SPATS1: variants seen among roughly 807,000 people sequenced by gnomAD.
The protein encoded by SPATS1 is spermatogenesis-associated serine-rich protein 1.
In SPATS1, 23 loss-of-function variants were observed where a neutral mutation model predicts 33.6. That is an observed-to-expected ratio of 0.68 (90% confidence interval 0.49 to 0.97). SPATS1 has a LOEUF of 0.97. Ranked by LOEUF, SPATS1 falls within the 50% of genes least tolerant of loss-of-function variation. The pLI, the probability that SPATS1 is intolerant of heterozygous loss-of-function variation, is 0.00. For synonymous variants in SPATS1, 131 were observed against 125.6 expected, an observed-to-expected ratio of 1.04 and a Z score of -0.29; for missense variants, 327 against 361.0, an observed-to-expected ratio of 0.91 and a Z score of 0.76.
intron 2 of SPATS1, among the ~76,000 whole-genome samples, chr6:44,347,370 T>TA (rs35992667): frequency 2.6e-5 from 4 of 151,754 alleles, no homozygotes; most frequent in African/African-American, 7.3e-5. Context: ...ACTTAAAGTA[T>TA]AAAAAAAAAG....
intron 5 of SPATS1, among the ~76,000 whole-genome samples, chr6:44,362,842 CT>C (rs35574093): frequency 1.1e-3 from 161 of 145,760 alleles, no homozygotes; most frequent in East Asian, 1.2e-3. Context: ...GCACCTTGCA[CT>C]TTTTTTTTTT....
intron 2 of SPATS1, among the ~76,000 whole-genome samples, chr6:44,351,138 A>AAAG (rs1788215221): frequency 6.7e-6 from 1 of 150,238 alleles, no homozygotes; most frequent in East Asian, 1.9e-4. Context: ...AAAAAAAAAA[A>AAAG]AAAAAAGAAA....
intron 2 of SPATS1, among the ~76,000 whole-genome samples, chr6:44,346,036 C>G (rs1787860031): frequency 6.6e-6 from 1 of 151,976 alleles, no homozygotes; most frequent in African/African-American, 2.4e-5. Flanking sequence ...GCCTGTAATC[C>G]CAGCACTTTT....
chr6:44,378,814 C>A lies in SPATS1; in HGVS notation c.*1751C>A, dbSNP rs1195873715. 2 of 152,274 alleles carry A rather than the reference C, an allele frequency of 1.3e-5. No individual in the cohort carries two copies. Among genetic ancestry groups the A allele is most frequent in the Admixed American group, 1.3e-4 (2 of 15,270 alleles). The allele number at this position is 152,274 out of a possible 1,614,324, so 9.4% of individuals were successfully genotyped here. ...CAAAAACCACAATGCATTCATGGCA[C>A]CTTCATATGTGCCTCTAGACTAACT... On this transcript the variant is annotated 3_prime_UTR_variant, in exon 9 of 9. Coordinates refer to ENST00000674044, the MANE Select transcript of SPATS1 (RefSeq NM_001372081.1).
intron 3 of SPATS1, among the ~76,000 whole-genome samples, chr6:44,359,032 T>G (rs1164521047): frequency 6.6e-6 from 1 of 151,826 alleles, no homozygotes; most frequent in Middle Eastern, 3.2e-3. Context: ...CACTGCAGCC[T>G]CCACTTCCTG....
intron 3 of SPATS1, among the ~76,000 whole-genome samples, 159 bp downstream of exon 3, chr6:44,353,032 A>C (rs1221444080): frequency 1.3e-5 from 2 of 152,190 alleles, no homozygotes; most frequent in African/African-American, 2.4e-5. Flanking sequence ...ATCTGTGTGA[A>C]TCTGAGCAAA....
Position 44,368,490 on chromosome 6 carries a change from A to G in SPATS1, c.686A>G (p.Asn229Ser). Residue 229 changes from asparagine to serine, a missense_variant, in exon 6 of 9, where the codon AAT (asparagine) becomes AGT (serine). Transcript: ENST00000674044. ...GCAGGATCAATGCTCCCACCAGTGA[A>G]TTTTTCAATGTAAGTGTATGTTAAT... ...HKAGSMLPPV[N>S]FSIVPYEKKF... 6.2e-7 allele frequency: 1 copy of G among 1,611,050 alleles called. No individual in the cohort carries two copies. Among genetic ancestry groups the G allele is most frequent in the Non-Finnish European group, 8.5e-7 (1 of 1,178,254 alleles).
In SPATS1 at chr6:44,368,441, G is replaced by C. The variant is rs933309230; in HGVS notation, c.637G>C (p.Glu213Gln). 1.2e-6 allele frequency: 2 copies of C among 1,613,724 alleles called. No homozygotes were observed. Among genetic ancestry groups the C allele is most frequent in the Non-Finnish European group, 1.7e-6 (2 of 1,179,840 alleles). ...AGGCGACAATCCATATATGTACCCA[G>C]AACAGAGTAAAGGCTTCCACAAAGC... ...TPGDNPYMYP[E>Q]QSKGFHKAGS... is the part of the protein sequence containing the mutation. Residue 213 changes from glutamate to glutamine, a missense_variant, in exon 6 of 9, where the codon GAA (glutamate) becomes CAA (glutamine). Physicochemically the swap from Glu to Gln is conservative, Grantham distance 29. Coordinates refer to ENST00000674044, the MANE Select transcript of SPATS1 (RefSeq NM_001372081.1).
intron 4 of SPATS1, chr6:44,361,494 GAAGA>G: frequency 1.0e-6 from 1 of 985,406 alleles, no homozygotes; most frequent in African/African-American, 1.7e-5. Context: ...TTATCAGAGT[GAAGA>G]TTGTATCACA....
chr6:44,356,368 A>C (rs1788588733), intron 3 of SPATS1, among the ~76,000 whole-genome samples: 1 of 152,222 alleles, frequency 6.6e-6, no homozygotes, highest in Admixed American at 6.5e-5. Flanking sequence ...AATACCTTCT[A>C]GATTAGTTAT....
rs757429284 is a variant in SPATS1, at chr6:44,343,115, C to G, written c.20C>G (p.Thr7Ser). ...GCACAGATGAGTCCATCCATGCTCACTGGAAACAGTCCACGGGGCTGCCGT... is the reference window on the plus strand; with the variant it reads ...GCACAGATGAGTCCATCCATGCTCAGTGGAAACAGTCCACGGGGCTGCCGT... MSPSML[T>S]GNSPRGCRLP... The change falls in exon 2 of 9, where the codon ACT (threonine) becomes AGT (serine). Residue 7 changes from threonine (T) to serine (S), a missense_variant. Thr to Ser is a moderately conservative substitution (Grantham distance 58). Coordinates refer to ENST00000674044, the MANE Select transcript of SPATS1 (RefSeq NM_001372081.1). 3.1e-6 allele frequency: 5 copies of G among 1,614,178 alleles called. No homozygotes were observed. The highest frequency in any genetic ancestry group is 4.2e-6 in the Non-Finnish European group (5 of 1,180,032).
intron 3 of SPATS1, among the ~76,000 whole-genome samples, chr6:44,360,138 TA>T (rs1357838542): frequency 6.6e-6 from 1 of 152,058 alleles, no homozygotes; most frequent in African/African-American, 2.4e-5. Context: ...TTTAAACACT[TA>T]AAAAAATTAG....
At chr6:44,360,349 T>A (rs1788836290) in intron 3 of SPATS1, 97 bp from the exon 4 acceptor site, 15 of 1,493,228 alleles carry the variant, frequency 1.0e-5, no homozygotes, top group Non-Finnish European at 1.4e-5. Flanking sequence ...GTAGTCCCAG[T>A]TCTCATAAGC....
chr6:44,372,834 T>C (rs926067813), intron 7 of SPATS1, among the ~76,000 whole-genome samples: 2 of 152,220 alleles, frequency 1.3e-5, no homozygotes, highest in African/African-American at 2.4e-5. Flanking sequence ...GGTTTGAGGC[T>C]TGTTTTCAAG....
At chr6:44,368,256 C>A in intron 5 of SPATS1, 123 bp from the exon 6 acceptor site, 1 of 997,916 alleles carries the variant, frequency 1.0e-6, no homozygotes, top group Non-Finnish European at 1.4e-6. Flanking sequence ...CTTTGAGAAA[C>A]TTCTATGTAA....
At chr6:44,355,372 G>T (rs375830414) in intron 3 of SPATS1, among the ~76,000 whole-genome samples, 14 of 152,270 alleles carry the variant, frequency 9.2e-5, no homozygotes, top group African/African-American at 3.4e-4. Flanking sequence ...CCATTGTCTG[G>T]ATGTACCATA....
At chr6:44,369,681 G>A (rs1424026773) in intron 6 of SPATS1, among the ~76,000 whole-genome samples, 1 of 152,002 alleles carries the variant, frequency 6.6e-6, no homozygotes, top group Non-Finnish European at 1.5e-5. Flanking sequence ...AGACCTACCT[G>A]GGCAACATGG....
At position 44,377,312 on chromosome 6, in the gene SPATS1, C is replaced by G; in HGVS notation, c.*249C>G. 1.8e-6 allele frequency: 1 copy of G among 562,984 alleles called. No individual in the cohort carries two copies. The highest frequency in any genetic ancestry group is 3.0e-5 in the East Asian group (1 of 32,834). The allele number at this position is 562,984 out of a possible 1,614,324, so 34.9% of individuals were successfully genotyped here. A position where few individuals can be genotyped will look rare whatever the true frequency, so the allele number is the denominator to read the frequency against. On this transcript the variant is annotated 3_prime_UTR_variant, in exon 9 of 9. Transcript: ENST00000674044. ...TTGTTAATATTTGTTCAAACTTTCT[C>G]TCTCTCACAATATTACAGTTACCAT...
chr6:44,352,062 A>G (rs1253873261), intron 2 of SPATS1, among the ~76,000 whole-genome samples: 3 of 152,200 alleles, frequency 2.0e-5, no homozygotes, highest in Non-Finnish European at 2.9e-5. Flanking sequence ...CAAGCAGTCT[A>G]GTACAGGGCT....
Sources: gnomAD v4.1 joint callset for allele counts (sites outside exome capture counted in the v4.1 genomes callset) on GRCh38, gnomAD v4.1.1 for gene constraint, MANE v1.5 for transcripts, NCBI Gene and HGNC (gene_info 2026-07-23, HGNC 2026-07-21) for gene names.